The following MEPE variants were observed in gnomAD, a reference collection of about 807,000 sequenced individuals.
The protein encoded by MEPE is matrix, extracellular phosphoglycoprotein with ASARM motif (bone).
In MEPE, 7 loss-of-function variants were observed where a neutral mutation model predicts 7.3. That is an observed-to-expected ratio of 0.95 (90% CI 0.54 to 1.79). The LOEUF (loss-of-function observed/expected upper bound fraction) is 1.79. Ranked by LOEUF, MEPE falls within the 40% of genes most tolerant of loss-of-function variation. MEPE has a pLI of 0.00. For synonymous variants in MEPE, 214 were observed against 213.1 expected, an observed-to-expected ratio of 1.00 and a Z score of -0.04; for missense variants, 623 against 628.2, an observed-to-expected ratio of 0.99 and a Z score of 0.09.
At chr4:87,838,450 C>T (rs1045957862) in intron 2 of MEPE, among the ~76,000 whole-genome samples, 182 bp from the exon 3 acceptor site, 2 of 152,086 alleles carry the variant, frequency 1.3e-5, no homozygotes, top group African/African-American at 2.4e-5. Context: ...CACTGTCTTT[C>T]GTAATATTGA....
chr4:87,844,923 T>C (rs1427882214), intron 3 of MEPE, 54 bp from the exon 4 acceptor site: 2 of 1,282,482 alleles, frequency 1.6e-6, no homozygotes, highest in African/African-American at 3.0e-5. Context: ...AGAATTATTA[T>C]ATTTTAAAAA....
intron 1 of MEPE, among the ~76,000 whole-genome samples, chr4:87,822,672 G>A (rs1426525435): frequency 6.6e-6 from 1 of 152,208 alleles, no homozygotes; most frequent in African/African-American, 2.4e-5. Context: ...TGAGGAGTCA[G>A]CTCTACCCCT....
intron 1 of MEPE, among the ~76,000 whole-genome samples, chr4:87,834,333 A>G (rs1330309171): frequency 2.6e-5 from 4 of 152,194 alleles, no homozygotes; most frequent in Non-Finnish European, 4.4e-5. Flanking sequence ...GAGCTGCTAC[A>G]TCAACTTAAT....
At chr4:87,830,835 AAG>A (rs1553915131), upstream of MEPE, among the ~76,000 whole-genome samples, 4 of 151,382 alleles carry the variant, frequency 2.6e-5, no homozygotes, top group Admixed American at 2.0e-4. Flanking sequence ...AAAAAAAAAA[AAG>A]AGAGAGTTAG....
chr4:87,827,897 C>A (rs1368279399), intron 1 of MEPE, among the ~76,000 whole-genome samples: 1 of 152,006 alleles, frequency 6.6e-6, no homozygotes, highest in Non-Finnish European at 1.5e-5. Context: ...TGTTGAAATT[C>A]CCAAATGCTG....
At chr4:87,828,469 G>C (rs559581369), upstream of MEPE, among the ~76,000 whole-genome samples, 2 of 152,066 alleles carry the variant, frequency 1.3e-5, no homozygotes, top group South Asian at 4.2e-4. Context: ...CATGATAGCA[G>C]GGGAAAAAGG....
chr4:87,839,106 T>C (rs1351834341), intron 3 of MEPE, among the ~76,000 whole-genome samples: 1 of 152,186 alleles, frequency 6.6e-6, no homozygotes, highest in Non-Finnish European at 1.5e-5. Context: ...GAATTCTATG[T>C]CCGTGGAGTC....
chr4:87,845,921 T>C lies in MEPE; in HGVS notation c.1053T>C (p.Pro351=), dbSNP rs1723228161. ...IMGSTNFKEL[P]GREGNRVDAG... is the part of the protein sequence containing the mutation. ...GTAGTACCAATTTTAAGGAGCTCCC[T>C]GGAAGAGAAGGAAACAGAGTGGATG... The change falls in exon 4 of 4, where the codon CCT becomes CCC. Residue 351 remains proline, a synonymous_variant. Coordinates refer to ENST00000361056, the MANE Select transcript of MEPE (RefSeq NM_020203.6). 1.2e-6 allele frequency: 2 copies of C among 1,613,994 alleles called. No homozygotes were observed. Among genetic ancestry groups the C allele is most frequent in the Non-Finnish European group, 1.7e-6 (2 of 1,179,954 alleles).
Position 87,845,951 on chromosome 4 carries a change from C to T in MEPE, c.1083C>T (p.Gly361=), listed in dbSNP as rs758216837. The change falls in exon 4 of 4, where the codon GGC becomes GGT. Residue 361 remains glycine (G), a synonymous_variant. Coordinates refer to ENST00000361056, the MANE Select transcript of MEPE (RefSeq NM_020203.6). The stretch of plus-strand genomic sequence containing the variant: ...GAGAAGGAAACAGAGTGGATGCTGG[C>T]AGCCAAAATGCTCACCAAGGGAAGG... ...PGREGNRVDA[G]SQNAHQGKVE... The T allele has an allele frequency of 6.2e-7, 1 of 1,613,958 alleles. No individual in the cohort carries two copies. Among genetic ancestry groups the T allele is most frequent in the South Asian group, 1.1e-5 (1 of 91,066 alleles).
chr4:87,823,349 A>G (rs1722388786), intron 1 of MEPE, among the ~76,000 whole-genome samples: 1 of 152,188 alleles, frequency 6.6e-6, no homozygotes, highest in South Asian at 2.1e-4. Context: ...CGATGACTCA[A>G]TCAATATCCT....
At chr4:87,838,337 A>G (rs1722879369) in intron 2 of MEPE, among the ~76,000 whole-genome samples, 1 of 152,096 alleles carries the variant, frequency 6.6e-6, no homozygotes, top group Non-Finnish European at 1.5e-5. Context: ...CTGGGGTGCC[A>G]TCCCTCCCTA....
rs763715764 is a variant in MEPE at position 87,845,487 on chromosome 4, C to G, written c.619C>G (p.Pro207Ala). Reference protein sequence around the residue: ...PQRDSQAQKSPVKSKSTHRIQ... With the variant: ...PQRDSQAQKSAVKSKSTHRIQ... ...AAGAGATTCCCAAGCCCAGAAAAGT[C>G]CAGTAAAAAGCAAAAGCACCCATCG... The change falls in exon 4 of 4, where the codon CCA becomes GCA. Residue 207 changes from proline to alanine, a missense_variant. Transcript: ENST00000361056. 5.5e-5 allele frequency: 88 copies of G among 1,613,570 alleles called. No individual in the cohort carries two copies. The highest frequency in any genetic ancestry group is 7.4e-5 in the Non-Finnish European group (87 of 1,179,934).
At chr4:87,840,113 T>C in intron 3 of MEPE, 1 of 1,512,102 alleles carries the variant, frequency 6.6e-7, no homozygotes. Flanking sequence ...TATAAGAAAG[T>C]TTTCTTGACA....
At chr4:87,842,929 A>G (rs1723069865) in intron 3 of MEPE, among the ~76,000 whole-genome samples, 1 of 152,166 alleles carries the variant, frequency 6.6e-6, no homozygotes, top group Non-Finnish European at 1.5e-5. Flanking sequence ...AGCCTGTGAT[A>G]CCCAATTCTC....
upstream of MEPE, among the ~76,000 whole-genome samples, chr4:87,829,017 G>A (rs1722535918): frequency 6.6e-6 from 1 of 151,998 alleles, no homozygotes; most frequent in Non-Finnish European, 1.5e-5. Flanking sequence ...AAATGCCATG[G>A]CAAAACTCTC....
intron 1 of MEPE, among the ~76,000 whole-genome samples, chr4:87,827,244 T>G (rs886761688): frequency 2.0e-5 from 3 of 152,154 alleles, no homozygotes; most frequent in African/African-American, 7.2e-5. Context: ...AACAGTGAAT[T>G]TGTATTTCAA....
chr4:87,838,645 A>G lies in MEPE; in HGVS notation c.68A>G (p.Gln23Arg), dbSNP rs1309104184. Reference sequence around the variant, plus strand: ...GTTTCCTTTCAGACATTTCAACCACAGACTGAGAAAACTAAGCAAAGCTGT... The same window carrying G: ...GTTTCCTTTCAGACATTTCAACCACGGACTGAGAAAACTAAGCAAAGCTGT... ...VTWAAPTFQP[Q>R]TEKTKQSCVE... The change falls in exon 3 of 4, where the codon CAG (glutamine) becomes CGG (arginine). Residue 23 changes from glutamine (Q) to arginine (R), a missense_variant. Transcript: ENST00000361056. 1.2e-6 allele frequency: 2 copies of G among 1,613,532 alleles called. No individual in the cohort carries two copies. The highest frequency in any genetic ancestry group is 1.7e-6 in the Non-Finnish European group (2 of 1,179,662).
At position 87,846,282 on chromosome 4, in the gene MEPE, G is replaced by A. The variant is rs760099024; in HGVS notation, c.1414G>A (p.Val472Ile). ...AACACATGGCAGAAAATATCATTAT[G>A]TACCCCACAGACAAAATAATTCTAC... is the stretch of plus-strand genomic sequence containing the variant. ...IITHGRKYHY[V>I]PHRQNNSTRN... Residue 472 changes from valine (V) to isoleucine (I), a missense_variant, in exon 4 of 4, where the codon GTA (valine) becomes ATA (isoleucine). Transcript: ENST00000361056. The A allele has an allele frequency of 1.9e-6, 3 of 1,614,036 alleles. No homozygotes were observed. Among genetic ancestry groups the A allele is most frequent in the Non-Finnish European group, 1.7e-6 (2 of 1,179,970 alleles).
chr4:87,840,217 T>C (rs1407567420), intron 3 of MEPE, among the ~76,000 whole-genome samples: 3 of 152,174 alleles, frequency 2.0e-5, no homozygotes, highest in African/African-American at 7.2e-5. Context: ...TTTTACTGTC[T>C]CTTAAATTCA....
Sources: gnomAD v4.1 joint callset for allele counts (sites outside exome capture counted in the v4.1 genomes callset) on GRCh38, gnomAD v4.1.1 for gene constraint, MANE v1.5 for transcripts, NCBI Gene and HGNC (gene_info 2026-07-23, HGNC 2026-07-21) for gene names.